The following NR1H4 variants were observed in gnomAD, a reference collection of about 807,000 sequenced individuals.
NR1H4 encodes bile acid receptor.
Under a neutral mutation model 58.5 loss-of-function variants are expected in NR1H4, and 23 were observed. The observed-to-expected ratio is 0.39, with a 90% confidence interval of 0.28 to 0.56. The LOEUF (loss-of-function observed/expected upper bound fraction) is 0.56, where lower values mean the gene tolerates loss of function less well. NR1H4 is among the 20% of genes least tolerant of loss of function. The pLI, the probability that NR1H4 is intolerant of heterozygous loss-of-function variation, is 0.58. For synonymous variants in NR1H4, 214 were observed against 198.0 expected, an observed-to-expected ratio of 1.08 and a Z score of -0.68; for missense variants, 487 against 576.9, an observed-to-expected ratio of 0.84 and a Z score of 1.60.
chr12:100,542,109 G>A (rs1371212759), intron 9 of NR1H4, among the ~76,000 whole-genome samples: 2 of 152,034 alleles, frequency 1.3e-5, no homozygotes, highest in African/African-American at 4.8e-5. Context: ...ACTTTGGGAG[G>A]CAGAGGGGGG....
chr12:100,528,758 A>G (rs1251785924), intron 4 of NR1H4, among the ~76,000 whole-genome samples: 1 of 152,246 alleles, frequency 6.6e-6, no homozygotes, highest in Non-Finnish European at 1.5e-5. Flanking sequence ...TATTGAGATG[A>G]TAATGATTTC....
chr12:100,513,895 C>A (rs890579312), intron 4 of NR1H4, among the ~76,000 whole-genome samples: 10 of 151,942 alleles, frequency 6.6e-5, no homozygotes, highest in Admixed American at 3.9e-4. Flanking sequence ...TTCCAAATGA[C>A]AAGCCTTGAA....
chr12:100,544,116 G>A (rs1955002438), intron 9 of NR1H4, among the ~76,000 whole-genome samples: 3 of 151,954 alleles, frequency 2.0e-5, no homozygotes, highest in South Asian at 2.1e-4. Context: ...GTCAGGCGTG[G>A]TGGCGGGTGC....
At chr12:100,542,070 A>G (rs1376921943) in intron 9 of NR1H4, among the ~76,000 whole-genome samples, 5 of 152,008 alleles carry the variant, frequency 3.3e-5, no homozygotes, top group Non-Finnish European at 5.9e-5. Flanking sequence ...TGTCAGCCCA[A>G]TGCAGTGGCT....
intron 4 of NR1H4, among the ~76,000 whole-genome samples, chr12:100,517,244 A>G (rs1447131678): frequency 6.6e-6 from 1 of 152,074 alleles, no homozygotes; most frequent in Non-Finnish European, 1.5e-5. Context: ...CCATGAGAAC[A>G]ACGTTTTAGA....
At chr12:100,498,080 C>G (rs1162325411) in intron 3 of NR1H4, among the ~76,000 whole-genome samples, 1 of 152,154 alleles carries the variant, frequency 6.6e-6, no homozygotes, top group East Asian at 1.9e-4. Context: ...ATTCTCTGAA[C>G]TTCAGTTTTT....
intron 9 of NR1H4, among the ~76,000 whole-genome samples, chr12:100,550,572 G>A (rs368103487): frequency 9.9e-5 from 15 of 152,074 alleles, no homozygotes; most frequent in African/African-American, 3.1e-4. Flanking sequence ...CACCATGTTG[G>A]CCAGGCTGGT....
chr12:100,532,375 C>T, intron 4 of NR1H4, 83 bp from the exon 5 acceptor site: 1 of 1,392,788 alleles, frequency 7.2e-7, no homozygotes, highest in South Asian at 1.2e-5. Context: ...GAGAAAATGT[C>T]CTGGCATCTC....
Position 100,533,165 on chromosome 12 carries a change from TAAAG to T in NR1H4, c.598+557_598+560del, listed in dbSNP as rs200821919. On this transcript the variant is annotated intron_variant, in intron 5 of 10. Transcript: ENST00000392986. ...AATATAATTTTGTCTTTCTATCTGA[TAAAG>T]AGACACTGTATTAACTGCTGGCTTT... 6.6e-5 allele frequency among the ~76,000 whole-genome samples: 10 copies of T among 152,346 alleles called. No homozygotes were observed. In the East Asian group the frequency reaches 1.2e-3, roughly 18 times the overall value.
At chr12:100,560,236 G>T (rs549320995) in intron 9 of NR1H4, among the ~76,000 whole-genome samples, 70 of 152,308 alleles carry the variant, frequency 4.6e-4, no homozygotes, top group African/African-American at 1.6e-3. Flanking sequence ...CAATCAGCAG[G>T]ATGTGGGTGG....
intron 5 of NR1H4, among the ~76,000 whole-genome samples, chr12:100,534,055 C>A (rs1954757278): frequency 6.6e-6 from 1 of 151,972 alleles, no homozygotes; most frequent in Non-Finnish European, 1.5e-5. Context: ...CGCCACTGCG[C>A]CCGGCTAATT....
intron 3 of NR1H4, among the ~76,000 whole-genome samples, chr12:100,508,204 G>T (rs1954014622): frequency 6.6e-6 from 1 of 152,088 alleles, no homozygotes; most frequent in Non-Finnish European, 1.5e-5. Context: ...TGAAGCCCTG[G>T]AAGGGGTTGG....
intron 1 of NR1H4, among the ~76,000 whole-genome samples, chr12:100,487,800 C>T (rs1240527940): frequency 2.0e-5 from 3 of 151,214 alleles, no homozygotes; most frequent in Non-Finnish European, 3.0e-5. Context: ...TTAGTAAAGA[C>T]GGGGTTTCAC....
chr12:100,550,879 A>G (rs373388321), intron 9 of NR1H4, among the ~76,000 whole-genome samples: 1 of 152,160 alleles, frequency 6.6e-6, no homozygotes, highest in Admixed American at 6.6e-5. Flanking sequence ...TTGTTTTCAC[A>G]TGCATTATCC....
At chr12:100,502,803 T>C (rs534953121) in intron 3 of NR1H4, among the ~76,000 whole-genome samples, 1 of 152,296 alleles carries the variant, frequency 6.6e-6, no homozygotes, top group Non-Finnish European at 1.5e-5. Flanking sequence ...ATGTCTTACA[T>C]GGTGGTAGGG....
intron 3 of NR1H4, among the ~76,000 whole-genome samples, chr12:100,503,170 C>G (rs764217951): frequency 2.0e-5 from 3 of 152,156 alleles, no homozygotes; most frequent in Non-Finnish European, 4.4e-5. Flanking sequence ...AACAGAAACC[C>G]ACCCTCTAAA....
At chr12:100,514,291 A>G (rs960514372) in intron 4 of NR1H4, among the ~76,000 whole-genome samples, 1 of 152,154 alleles carries the variant, frequency 6.6e-6, no homozygotes, top group Non-Finnish European at 1.5e-5. Flanking sequence ...AATTCTGTGA[A>G]TCTGTAGTAC....
At chr12:100,494,664 A>T (rs1276436628) in intron 3 of NR1H4, among the ~76,000 whole-genome samples, 1 of 152,248 alleles carries the variant, frequency 6.6e-6, no homozygotes, top group Non-Finnish European at 1.5e-5. Context: ...CCCTGCCTCC[A>T]TGTCTAGCCA....
At chr12:100,535,141 A>G (rs118158510) in intron 6 of NR1H4, 118 bp downstream of exon 6, 12,657 of 1,115,164 alleles carry the variant, frequency 0.011, 95 homozygotes, top group Non-Finnish European at 0.014. Context: ...TTCTAGTCCA[A>G]TTGTTCATTA....
Sources: gnomAD v4.1 joint callset for allele counts (sites outside exome capture counted in the v4.1 genomes callset) on GRCh38, gnomAD v4.1.1 for gene constraint, MANE v1.5 for transcripts, NCBI Gene and HGNC (gene_info 2026-07-23, HGNC 2026-07-21) for gene names.